The following CPA6 variants were observed in gnomAD, a reference collection of about 807,000 sequenced individuals.
The protein encoded by CPA6 is carboxypeptidase B.
In CPA6, 58 loss-of-function variants were observed where a neutral mutation model predicts 63.3. The ratio of observed to expected loss-of-function variants is 0.92; its 90% CI spans 0.74 to 1.14. CPA6 has a LOEUF of 1.14. CPA6 is among the 50% of genes most tolerant of loss of function. The probability of loss-of-function intolerance (pLI) is 0.00; values close to 1 mark genes in which losing one functional copy is unlikely to be tolerated. For missense variants in CPA6, 565 were observed against 526.6 expected, an observed-to-expected ratio of 1.07 and a Z score of -0.71; for synonymous variants, 185 against 179.0, an observed-to-expected ratio of 1.03 and a Z score of -0.27.
At chr8:67,662,551 C>CGTATATGTATATATAGAATACATACACAT (rs1563382431) in intron 1 of CPA6, among the ~76,000 whole-genome samples, 17 of 119,246 alleles carry the variant, frequency 1.4e-4, no homozygotes, top group Non-Finnish European at 2.5e-4. Context: ...TACATACACA[C>CGTATATGTATATATAGAATACATACACAT]GTATATGTAT....
At chr8:67,507,801 G>A (rs1428305175) in intron 5 of CPA6, among the ~76,000 whole-genome samples, 1 of 152,138 alleles carries the variant, frequency 6.6e-6, no homozygotes, top group Non-Finnish European at 1.5e-5. Flanking sequence ...GAGCACTTGA[G>A]TACTTCAGCA....
intron 8 of CPA6, chr8:67,483,149 T>G (rs766237266): frequency 3.9e-5 from 6 of 152,604 alleles, no homozygotes; most frequent in Non-Finnish European, 8.8e-5. Flanking sequence ...CTTTCCTTTT[T>G]CTGCTGCAAG....
At chr8:67,469,240 G>A (rs1053544225) in intron 8 of CPA6, among the ~76,000 whole-genome samples, 15 of 152,150 alleles carry the variant, frequency 9.9e-5, no homozygotes, top group African/African-American at 3.4e-4. Context: ...ATTTAAATCA[G>A]TGGGCTTTGG....
intron 2 of CPA6, among the ~76,000 whole-genome samples, chr8:67,595,636 A>C (rs990616101): frequency 1.3e-5 from 2 of 152,148 alleles, no homozygotes; most frequent in Admixed American, 1.3e-4. Flanking sequence ...TTGATCTCAG[A>C]CTGCTGTGCT....
At chr8:67,548,089 C>G (rs1812858256) in intron 2 of CPA6, among the ~76,000 whole-genome samples, 1 of 149,230 alleles carries the variant, frequency 6.7e-6, no homozygotes, top group African/African-American at 2.5e-5. Context: ...TCTTTTCTTT[C>G]TCTCTTTCTC....
At chr8:67,690,799 G>T (rs1423777880) in intron 1 of CPA6, among the ~76,000 whole-genome samples, 1 of 152,170 alleles carries the variant, frequency 6.6e-6, no homozygotes, top group African/African-American at 2.4e-5. Flanking sequence ...TGGCTAGATT[G>T]CAGGAAATAT....
chr8:67,740,243 C>T (rs1373250798), intron 1 of CPA6, among the ~76,000 whole-genome samples: 2 of 152,140 alleles, frequency 1.3e-5, no homozygotes, highest in African/African-American at 4.8e-5. Context: ...GGACTTTTGC[C>T]CATCATATCT....
At chr8:67,617,375 G>A (rs1444348412) in intron 2 of CPA6, among the ~76,000 whole-genome samples, 1 of 152,180 alleles carries the variant, frequency 6.6e-6, no homozygotes, top group South Asian at 2.1e-4. Flanking sequence ...CATGACTGCA[G>A]TTGGACATCT....
intron 1 of CPA6, among the ~76,000 whole-genome samples, chr8:67,709,874 G>A (rs1817217474): frequency 6.6e-6 from 1 of 152,124 alleles, no homozygotes. Flanking sequence ...ACTTTGGGAG[G>A]CTGAGGCAGG....
intron 1 of CPA6, among the ~76,000 whole-genome samples, chr8:67,693,184 C>T (rs1173996867): frequency 6.6e-6 from 1 of 152,182 alleles, no homozygotes; most frequent in Non-Finnish European, 1.5e-5. Context: ...ACTGTGTGAC[C>T]TAGGACCATT....
At chr8:67,659,532 T>C (rs1241016153) in intron 1 of CPA6, among the ~76,000 whole-genome samples, 4 of 152,236 alleles carry the variant, frequency 2.6e-5, no homozygotes, top group Non-Finnish European at 5.9e-5. Flanking sequence ...TCTCCTCTGA[T>C]GCACACCAAT....
At chr8:67,590,743 TC>T (rs1203858416) in intron 2 of CPA6, among the ~76,000 whole-genome samples, 1 of 151,740 alleles carries the variant, frequency 6.6e-6, no homozygotes, top group African/African-American at 2.4e-5. Context: ...GTTGTTTTTT[TC>T]TTGTAAATTT....
At chr8:67,668,276 A>G (rs1244130732) in intron 1 of CPA6, among the ~76,000 whole-genome samples, 1 of 152,244 alleles carries the variant, frequency 6.6e-6, no homozygotes, top group Non-Finnish European at 1.5e-5. Context: ...TGAATTAAAA[A>G]TCTATATTTT....
At chr8:67,642,791 T>TCACACACACACA (rs1491449674) in intron 1 of CPA6, among the ~76,000 whole-genome samples, 2,684 of 89,336 alleles carry the variant, frequency 0.03, 32 homozygotes, top group South Asian at 0.12. Flanking sequence ...TGGGCCTTTA[T>TCACACACACACA]CTCACACACA....
At chr8:67,570,780 G>C (rs898684382) in intron 2 of CPA6, among the ~76,000 whole-genome samples, 1 of 152,088 alleles carries the variant, frequency 6.6e-6, no homozygotes, top group African/African-American at 2.4e-5. Flanking sequence ...GAGGAAGAAA[G>C]AAACAAAGTA....
chr8:67,430,274 G>C (rs530231348), intron 9 of CPA6, among the ~76,000 whole-genome samples: 51 of 151,110 alleles, frequency 3.4e-4, no homozygotes, highest in African/African-American at 1.2e-3. Context: ...CTGCCTACCA[G>C]GTTCAAGTCA....
intron 2 of CPA6, among the ~76,000 whole-genome samples, chr8:67,534,927 T>G (rs2128969581): frequency 6.6e-6 from 1 of 151,604 alleles, no homozygotes; most frequent in East Asian, 2.0e-4. Context: ...CCCATATGCT[T>G]TCATTATTCA....
chr8:67,538,512 G>GTTTTTT (rs139665944), intron 2 of CPA6, among the ~76,000 whole-genome samples: 19 of 90,766 alleles, frequency 2.1e-4, no homozygotes, highest in African/African-American at 3.9e-4. Context: ...TGCAACCCCT[G>GTTTTTT]TTTTTTTTTT....
At chr8:67,535,313 A>C (rs1812561981) in intron 2 of CPA6, among the ~76,000 whole-genome samples, 1 of 152,172 alleles carries the variant, frequency 6.6e-6, no homozygotes, top group Non-Finnish European at 1.5e-5. Flanking sequence ...ACTAATTTAC[A>C]CTTCCACCAA....
Sources: gnomAD v4.1 joint callset for allele counts (sites outside exome capture counted in the v4.1 genomes callset) on GRCh38, gnomAD v4.1.1 for gene constraint, MANE v1.5 for transcripts, NCBI Gene and HGNC (gene_info 2026-07-23, HGNC 2026-07-21) for gene names.